KSR2: variants seen among roughly 807,000 people sequenced by gnomAD.
KSR2 encodes the protein kinase suppressor of ras 2.
KSR2 carries 25 observed loss-of-function variants against 107.8 expected under a neutral mutation model. The observed-to-expected ratio is 0.23, with a 90% CI of 0.17 to 0.32. The LOEUF is 0.32. Among genes scored for constraint, KSR2 ranks in the 10% least tolerant of loss-of-function variants. KSR2 has a pLI of 1.00. For missense variants in KSR2, 887 were observed against 1,268.9 expected, an observed-to-expected ratio of 0.70 and a Z score of 4.57; for synonymous variants, 480 against 507.0, an observed-to-expected ratio of 0.95 and a Z score of 0.71.
At chr12:117,812,842 C>CAAAAAAAAAAAAAAAAAAA (rs3073170) in intron 3 of KSR2, among the ~76,000 whole-genome samples, 25 of 95,534 alleles carry the variant, frequency 2.6e-4, no homozygotes, top group African/African-American at 1.1e-3. Flanking sequence ...CCCAAATAGC[C>CAAAAAAAAAAAAAAAAAAA]AAAAAAAAAA....
At chr12:117,959,912 C>CA (rs1896612420) in intron 1 of KSR2, among the ~76,000 whole-genome samples, 2 of 148,844 alleles carry the variant, frequency 1.3e-5, no homozygotes. Flanking sequence ...GCCTGGGTGA[C>CA]AGAGTGAGAC....
At chr12:117,755,231 A>G (rs1293457286) in intron 4 of KSR2, among the ~76,000 whole-genome samples, 1 of 152,206 alleles carries the variant, frequency 6.6e-6, no homozygotes, top group Non-Finnish European at 1.5e-5. Context: ...AAAAGGACAC[A>G]CAGGCATATC....
At chr12:117,656,094 A>C (rs573039209) in intron 5 of KSR2, among the ~76,000 whole-genome samples, 1 of 152,362 alleles carries the variant, frequency 6.6e-6, no homozygotes, top group East Asian at 1.9e-4. Context: ...CCACGTGACC[A>C]GCTGCAGCAA....
intron 1 of KSR2, among the ~76,000 whole-genome samples, chr12:117,957,039 G>A (rs1001404931): frequency 6.6e-6 from 1 of 152,214 alleles, no homozygotes; most frequent in Non-Finnish European, 1.5e-5. Flanking sequence ...TTTAGAGACA[G>A]ATTAAGTATT....
intron 3 of KSR2, among the ~76,000 whole-genome samples, chr12:117,793,026 A>G (rs1254190758): frequency 6.8e-6 from 1 of 146,568 alleles, no homozygotes; most frequent in Non-Finnish European, 1.5e-5. Context: ...GCACTCTCAC[A>G]TCAACATGCA....
Position 117,720,150 on chromosome 12 carries a change from G to A in KSR2, c.986+40861C>T, listed in dbSNP as rs1230013875. On this transcript the variant is annotated intron_variant, in intron 4 of 19. Coordinates refer to ENST00000339824, the MANE Select transcript of KSR2 (RefSeq NM_173598.6). ...GTGCAGAGTCAAATTTCTATAGATG[G>A]TTCATCCCTGCTGAACCAGGCATGC... Among the ~76,000 whole-genome samples the A allele has an allele frequency of 2.0e-5, 3 of 152,326 alleles. No homozygotes were observed. In the East Asian group the frequency reaches 5.8e-4, roughly 29 times the overall value.
At chr12:117,568,140 C>T (rs775126525) in intron 7 of KSR2, among the ~76,000 whole-genome samples, 55 of 152,166 alleles carry the variant, frequency 3.6e-4, no homozygotes, top group Non-Finnish European at 7.8e-4. Context: ...TAAAAGGACA[C>T]TGTAAGGGAA....
At chr12:117,668,827 C>T (rs1709619560) in intron 4 of KSR2, among the ~76,000 whole-genome samples, 1 of 152,146 alleles carries the variant, frequency 6.6e-6, no homozygotes. Context: ...AAGTTTGGTT[C>T]TCCTCTTGGG....
chr12:117,865,626 G>T (rs1450703986), intron 1 of KSR2, among the ~76,000 whole-genome samples: 1 of 152,078 alleles, frequency 6.6e-6, no homozygotes, highest in Non-Finnish European at 1.5e-5. Flanking sequence ...CAAGGTGCTG[G>T]AACTACAGGT....
At chr12:117,756,987 G>A (rs1469323505) in intron 4 of KSR2, among the ~76,000 whole-genome samples, 5 of 151,934 alleles carry the variant, frequency 3.3e-5, no homozygotes, top group Admixed American at 1.3e-4. Flanking sequence ...CCCAGGAGGT[G>A]GAGGTTGCAG....
intron 5 of KSR2, among the ~76,000 whole-genome samples, chr12:117,640,780 T>G (rs1457384605): frequency 6.6e-6 from 1 of 151,492 alleles, no homozygotes; most frequent in Non-Finnish European, 1.5e-5. Flanking sequence ...TGGGAAAGAG[T>G]ATGTAACTCT....
At chr12:117,673,934 C>T (rs1218790405) in intron 4 of KSR2, among the ~76,000 whole-genome samples, 1 of 152,108 alleles carries the variant, frequency 6.6e-6, no homozygotes, top group African/African-American at 2.4e-5. Flanking sequence ...CTATATCAGC[C>T]CTGGGTGTAC....
chr12:117,524,862 T>C lies in KSR2; in HGVS notation c.2209A>G (p.Ile737Val), dbSNP rs1010452610. The C allele has an allele frequency of 3.1e-6, 5 of 1,609,170 alleles. No homozygotes were observed. The highest frequency in any genetic ancestry group is 4.2e-6 in the Non-Finnish European group (5 of 1,177,616). The change falls in exon 14 of 20, where the codon ATC (isoleucine) becomes GTC (valine). Residue 737 changes from isoleucine to valine, a missense_variant. Around this residue, in one of 8 missense-constraint regions of KSR2, gnomAD observed 308 missense variants for 506.2 expected, o/e 0.61. Coordinates refer to ENST00000339824, the MANE Select transcript of KSR2 (RefSeq NM_173598.6). Reference sequence around the variant, plus strand: ...CCAGGTGGAACTGACCTGGTGATGATGGCCAGGTGAGGCGGGCTCATGCAG... The same window carrying C: ...CCAGGTGGAACTGACCTGGTGATGACGGCCAGGTGAGGCGGGCTCATGCAG... ...GACMSPPHLA[I>V]ITSLCKGRTL... is the part of the protein sequence containing the mutation.
At chr12:117,694,714 C>A (rs1885974923) in intron 4 of KSR2, among the ~76,000 whole-genome samples, 1 of 152,152 alleles carries the variant, frequency 6.6e-6, no homozygotes, top group Non-Finnish European at 1.5e-5. Context: ...TGTGGTCTAT[C>A]CACACAATGA....
intron 4 of KSR2, among the ~76,000 whole-genome samples, chr12:117,692,640 T>G (rs1885880449): frequency 6.6e-6 from 1 of 151,726 alleles, no homozygotes; most frequent in Non-Finnish European, 1.5e-5. Context: ...AGCTAAAATA[T>G]GGAAACAACC....
rs137856442 is a variant in KSR2 at position 117,701,075 on chromosome 12, CTTTG to C, written c.987-33421_987-33418del. 5.6e-3 allele frequency among the ~76,000 whole-genome samples: 851 copies of C among 152,202 alleles called. 3 individuals carry two copies. The highest frequency in any genetic ancestry group is 8.0e-3 in the Non-Finnish European group (547 of 67,994). ...CTCCATCTGCACAATAGGAGGAAAA[CTTTG>C]TTTGTTTGTTTATTTATTTATTTAT... On this transcript the variant is annotated intron_variant, in intron 4 of 19. Coordinates refer to ENST00000339824, the MANE Select transcript of KSR2 (RefSeq NM_173598.6).
At chr12:117,580,601 A>C (rs1204787656) in intron 6 of KSR2, among the ~76,000 whole-genome samples, 1 of 152,268 alleles carries the variant, frequency 6.6e-6, no homozygotes, top group Non-Finnish European at 1.5e-5. Context: ...GGGTGAGTCC[A>C]GTTCTCTCTA....
chr12:117,772,619 C>T (rs1251750370), intron 3 of KSR2, among the ~76,000 whole-genome samples: 2 of 149,754 alleles, frequency 1.3e-5, no homozygotes, highest in African/African-American at 4.9e-5. Flanking sequence ...ACATACACAC[C>T]ATTCTCCCAA....
chr12:117,958,727 G>A (rs7306474), intron 1 of KSR2, among the ~76,000 whole-genome samples: 77,110 of 151,990 alleles, frequency 0.51, 19,920 homozygotes, highest in Non-Finnish European at 0.54. Context: ...AGGCTGAGGC[G>A]CAAGAATTGC....
Sources: allele counts gnomAD v4.1 joint callset (sites outside exome capture counted in the v4.1 genomes callset), GRCh38; gene constraint gnomAD v4.1.1; regional missense constraint gnomAD v4.1.1; transcripts MANE v1.5; gene names NCBI Gene and HGNC (gene_info 2026-07-23, HGNC 2026-07-21).